Variants in RBFOX3 observed in about 807,000 individuals in gnomAD.
RBFOX3 encodes the protein RNA binding fox-1 homolog 3, also known as RNA binding protein fox-1 homolog 3.
In RBFOX3, 17 loss-of-function variants were observed where a neutral mutation model predicts 48.7. That is an observed-to-expected ratio of 0.35 (90% CI 0.24 to 0.52). The LOEUF (loss-of-function observed/expected upper bound fraction) is 0.52. Ranked by LOEUF, RBFOX3 falls within the 20% of genes least tolerant of loss-of-function variation. The pLI is 0.94. For missense variants in RBFOX3, 382 were observed against 497.5 expected (o/e 0.77, Z 2.21); for synonymous variants, 212 against 209.5 (o/e 1.01, Z -0.10).
chr17:79,654,712 C>T, the RBFOX3 span, among the ~76,000 whole-genome samples: 1 of 152,314 alleles, frequency 6.6e-6, no homozygotes, highest in East Asian at 1.9e-4. Flanking sequence ...ATCGTTTTAG[C>T]ACCTTGCAGG....
intron 2 of RBFOX3, among the ~76,000 whole-genome samples, chr17:79,354,986 T>A (rs536602073): frequency 6.6e-6 from 1 of 152,186 alleles, no homozygotes; most frequent in African/African-American, 2.4e-5. Flanking sequence ...TGTGGGATTA[T>A]TAATGGGTGT....
chr17:79,468,885 GGATA>G (rs1456668728), intron 2 of RBFOX3, among the ~76,000 whole-genome samples: 55 of 148,358 alleles, frequency 3.7e-4, no homozygotes, highest in African/African-American at 1.2e-3. Flanking sequence ...ACAGGAGGAT[GGATA>G]GATAGATAGG....
intron 1 of RBFOX3, among the ~76,000 whole-genome samples, chr17:79,529,725 G>A (rs2087405135): frequency 6.6e-6 from 1 of 152,216 alleles, no homozygotes; most frequent in Non-Finnish European, 1.5e-5. Context: ...CTCCAAGGCA[G>A]AGGAAGGAGG....
intron 1 of RBFOX3, among the ~76,000 whole-genome samples, chr17:79,551,929 T>G (rs1855574935): frequency 1.3e-5 from 2 of 152,340 alleles, no homozygotes; most frequent in African/African-American, 4.8e-5. Context: ...TTTAGAGCAA[T>G]GCAAATGGAC....
intron 1 of RBFOX3, among the ~76,000 whole-genome samples, chr17:79,596,606 T>C (rs1261810353): frequency 5.3e-5 from 8 of 152,116 alleles, no homozygotes; most frequent in Non-Finnish European, 1.0e-4. Context: ...TCAACAAATG[T>C]TGATTGAGAA....
intron 1 of RBFOX3, among the ~76,000 whole-genome samples, chr17:79,521,258 TCA>T (rs2086036923): frequency 7.4e-6 from 1 of 135,574 alleles, no homozygotes; most frequent in Non-Finnish European, 1.6e-5. Context: ...ACACACACAC[TCA>T]CAGACACACG....
intron 1 of RBFOX3, among the ~76,000 whole-genome samples, chr17:79,504,131 G>C (rs1309327579): frequency 6.6e-6 from 1 of 152,186 alleles, no homozygotes; most frequent in African/African-American, 2.4e-5. Flanking sequence ...TTAGGCAGAG[G>C]GAGCAGCCAC....
At chr17:79,574,704 T>A (rs1206448320) in intron 1 of RBFOX3, among the ~76,000 whole-genome samples, 1 of 152,232 alleles carries the variant, frequency 6.6e-6, no homozygotes, top group Non-Finnish European at 1.5e-5. Context: ...CATTCTTTTA[T>A]TCCTTTACTT....
Position 79,311,642 on chromosome 17 carries a change from C to T in RBFOX3, c.-174-3818G>A, listed in dbSNP as rs2076875907. Among the ~76,000 whole-genome samples, 1 of 152,076 alleles carries T rather than the reference C, an allele frequency of 6.6e-6. No homozygotes were observed. Among genetic ancestry groups the T allele is most frequent in the African/African-American group, 2.4e-5 (1 of 41,388 alleles). On this transcript the variant is annotated intron_variant, in intron 2 of 14. Transcript: ENST00000693108. The surrounding 1 kb of genome is among the most constrained non-coding windows in gnomAD (Gnocchi z 4.2). Reference sequence around the variant, plus strand: ...CCTAGGTCCTGTTGACTTTGTTTACCTGGAGAACTCTGAGTCAGGCCCTCT... The same window carrying T: ...CCTAGGTCCTGTTGACTTTGTTTACTTGGAGAACTCTGAGTCAGGCCCTCT...
intron 2 of RBFOX3, among the ~76,000 whole-genome samples, chr17:79,327,327 T>C (rs1261948262): frequency 6.6e-6 from 1 of 151,964 alleles, no homozygotes. Context: ...TCATGGGGAG[T>C]CCTTGGCAAC....
At chr17:79,228,797 C>T (rs977034317) in intron 4 of RBFOX3, among the ~76,000 whole-genome samples, 10 of 152,148 alleles carry the variant, frequency 6.6e-5, no homozygotes, top group Admixed American at 4.6e-4. Flanking sequence ...CTAACTGATG[C>T]GCTAGTCCAA....
intron 2 of RBFOX3, among the ~76,000 whole-genome samples, chr17:79,340,295 T>A (rs1422900980): frequency 1.2e-5 from 1 of 86,912 alleles, no homozygotes; most frequent in African/African-American, 3.3e-5. Flanking sequence ...TGAGACTCCA[T>A]CTCAAAAAAA....
At position 79,522,041 on chromosome 17, in the gene RBFOX3, G is replaced by A. The variant is rs1265331334; in HGVS notation, c.-319-39443C>T. Among the ~76,000 whole-genome samples, 19 of 152,246 alleles carry A rather than the reference G, an allele frequency of 1.2e-4. No homozygotes were observed. The South Asian group carries it at 3.1e-3, about 25-fold the overall frequency. On this transcript the variant is annotated intron_variant, in intron 1 of 14. Coordinates refer to ENST00000693108, the MANE Select transcript of RBFOX3 (RefSeq NM_001350451.2). ...GCTGACCTTCACCCGACGGAATCTT[G>A]GACCAGTGCAGGCCACACTGGAGGG...
At chr17:79,145,928 G>A (rs1022582381) in intron 4 of RBFOX3, among the ~76,000 whole-genome samples, 5 of 152,156 alleles carry the variant, frequency 3.3e-5, no homozygotes, top group African/African-American at 1.2e-4. Flanking sequence ...GCAGGGGGGT[G>A]GTTGGGGAGG....
intron 2 of RBFOX3, among the ~76,000 whole-genome samples, chr17:79,427,220 C>T (rs75154126): frequency 1.3e-5 from 2 of 152,220 alleles, no homozygotes; most frequent in African/African-American, 4.8e-5. Flanking sequence ...GGATCCCAAT[C>T]TGTCCGGGGA....
intron 1 of RBFOX3, among the ~76,000 whole-genome samples, chr17:79,489,953 C>T (rs1173587300): frequency 6.6e-6 from 1 of 152,172 alleles, no homozygotes; most frequent in Non-Finnish European, 1.5e-5. Context: ...GCAAAATTTG[C>T]TCTTTCTTTA....
chr17:79,355,494 T>C (rs1275178306), intron 2 of RBFOX3, among the ~76,000 whole-genome samples: 3 of 152,138 alleles, frequency 2.0e-5, no homozygotes, highest in Non-Finnish European at 4.4e-5. Flanking sequence ...CAGGTCCTGC[T>C]GCCTGGGAAG....
intron 1 of RBFOX3, among the ~76,000 whole-genome samples, chr17:79,522,390 G>A (rs2086226466): frequency 1.3e-5 from 2 of 152,036 alleles, no homozygotes; most frequent in Non-Finnish European, 2.9e-5. Flanking sequence ...CAAACTTCAC[G>A]TCCAGACACA....
intron 1 of RBFOX3, among the ~76,000 whole-genome samples, chr17:79,537,228 T>C (rs1004368341): frequency 1.3e-5 from 2 of 152,264 alleles, no homozygotes; most frequent in South Asian, 2.1e-4. Flanking sequence ...GGCTCCTCCC[T>C]CGCCCCTTCC....
Sources: gnomAD v4.1 joint callset for allele counts (sites outside exome capture counted in the v4.1 genomes callset) on GRCh38, gnomAD v4.1.1 for gene constraint, Gnocchi (gnomAD v3.1) non-coding constraint, MANE v1.5 for transcripts, NCBI Gene and HGNC (gene_info 2026-07-23, HGNC 2026-07-21) for gene names.